Variants in RALYL observed in about 807,000 individuals in gnomAD.
RALYL encodes RALY RNA binding protein like, also known as RNA-binding Raly-like protein.
RALYL carries 29 observed loss-of-function variants against 35.1 expected under a neutral mutation model. The observed-to-expected ratio is 0.83, with a 90% CI of 0.61 to 1.13. The LOEUF is 1.13. Among genes scored for constraint, RALYL ranks in the 50% most tolerant of loss-of-function variants. RALYL has a pLI of 0.00. For missense variants in RALYL, 359 were observed against 360.4 expected (o/e 1.00, Z 0.03); for synonymous variants, 120 against 127.6 (o/e 0.94, Z 0.40).
At chr8:84,723,035 T>C (rs1215868160) in intron 2 of RALYL, among the ~76,000 whole-genome samples, 2 of 151,936 alleles carry the variant, frequency 1.3e-5, no homozygotes, top group Non-Finnish European at 2.9e-5. Flanking sequence ...ATATTTTTCA[T>C]TATATCCTTG....
intron 1 of RALYL, among the ~76,000 whole-genome samples, chr8:84,509,133 G>T (rs886337339): frequency 6.6e-6 from 1 of 152,088 alleles, no homozygotes; most frequent in Non-Finnish European, 1.5e-5. Flanking sequence ...CTTGTATTGT[G>T]TACTACGTTT....
intron 5 of RALYL, among the ~76,000 whole-genome samples, chr8:84,852,872 C>T (rs943499033): frequency 6.6e-6 from 1 of 152,104 alleles, no homozygotes; most frequent in Admixed American, 6.5e-5. Flanking sequence ...ACGTGCCTGC[C>T]CTAGGTACAA....
chr8:84,898,924 G>T (rs1845202395), intron 8 of RALYL, among the ~76,000 whole-genome samples: 1 of 152,158 alleles, frequency 6.6e-6, no homozygotes, highest in African/African-American at 2.4e-5. Flanking sequence ...TTTTTAAAAT[G>T]CCTTTCTCTT....
At chr8:84,459,908 T>C (rs2050559857) in intron 1 of RALYL, among the ~76,000 whole-genome samples, 1 of 151,802 alleles carries the variant, frequency 6.6e-6, no homozygotes, top group Non-Finnish European at 1.5e-5. Context: ...TCTTTGGAAG[T>C]TCATAGGAAA....
intron 1 of RALYL, among the ~76,000 whole-genome samples, chr8:84,343,100 G>C (rs181871328): frequency 2.0e-5 from 3 of 151,896 alleles, no homozygotes; most frequent in African/African-American, 7.3e-5. Flanking sequence ...TTTTATCAAA[G>C]GAGTATATTT....
chr8:84,781,443 G>C (rs1563589906), intron 3 of RALYL, among the ~76,000 whole-genome samples: 1 of 152,114 alleles, frequency 6.6e-6, no homozygotes, highest in Non-Finnish European at 1.5e-5. Context: ...GCAGTTTTCT[G>C]TTATGTTTTT....
At chr8:84,288,108 C>A (rs552216069) in intron 1 of RALYL, among the ~76,000 whole-genome samples, 1 of 152,032 alleles carries the variant, frequency 6.6e-6, no homozygotes, top group Non-Finnish European at 1.5e-5. Flanking sequence ...AGCTGAGCAT[C>A]GGAGGACTTA....
chr8:84,785,992 C>A (rs2467211), intron 3 of RALYL, among the ~76,000 whole-genome samples: 3 of 151,968 alleles, frequency 2.0e-5, no homozygotes, highest in African/African-American at 7.3e-5. Context: ...CCCACCTCAC[C>A]GCCCATAGGC....
rs550665805 is a variant in RALYL, at chr8:84,745,186, C to T, written c.257-29393C>T. Among the ~76,000 whole-genome samples, 53 of 151,966 alleles carry T rather than the reference C, an allele frequency of 3.5e-4. 2 individuals are homozygous for T. The South Asian group carries it at 8.5e-3, about 24-fold the overall frequency. On this transcript the variant is annotated intron_variant, in intron 2 of 8. Transcript: ENST00000521268. ...TCTGTATGATTTCAGATCACCCTCC[C>T]TCTACTCCTTCACATTAATGCACAT...
intron 1 of RALYL, among the ~76,000 whole-genome samples, chr8:84,221,366 G>A (rs1822166713): frequency 6.6e-6 from 1 of 151,974 alleles, no homozygotes; most frequent in East Asian, 1.9e-4. Context: ...GAAGAGACAA[G>A]TAGTTATAGC....
At position 84,583,618 on chromosome 8, in the gene RALYL, C is replaced by T. The variant is rs1185975891; in HGVS notation, c.256+54041C>T. On this transcript the variant is annotated intron_variant, in intron 2 of 8. Transcript: ENST00000521268. Reference sequence around the variant, plus strand: ...TGAAAAATTAAACAGCAAAATTGCTCAGTAAACTCTTTGTATTTACTGTCA... The same window carrying T: ...TGAAAAATTAAACAGCAAAATTGCTTAGTAAACTCTTTGTATTTACTGTCA... 3.3e-5 allele frequency among the ~76,000 whole-genome samples: 5 copies of T among 152,196 alleles called. No homozygotes were observed. The East Asian group carries it at 7.7e-4, about 23-fold the overall frequency.
intron 8 of RALYL, chr8:84,906,996 A>G (rs1167127099): frequency 1.0e-6 from 1 of 983,752 alleles, no homozygotes; most frequent in Non-Finnish European, 1.2e-6. Flanking sequence ...AGATGAAATG[A>G]AAGTTCAGGC....
chr8:84,187,240 A>C lies in RALYL; in HGVS notation c.-24+2816A>C, dbSNP rs545842789. ...TTCAAGAACTTTTTATGGGATAATA[A>C]AATGTGGGTATTGTTTAAAATCTTG... is the stretch of plus-strand genomic sequence containing the variant. On this transcript the variant is annotated intron_variant, in intron 1 of 8. Coordinates refer to ENST00000521268, the MANE Select transcript of RALYL (RefSeq NM_173848.7). 3.9e-5 allele frequency among the ~76,000 whole-genome samples: 6 copies of C among 152,206 alleles called. No individual in the cohort carries two copies. In the East Asian group the frequency reaches 1.2e-3, roughly 29 times the overall value.
upstream of RALYL, chr8:84,183,177 C>G: frequency 6.4e-6 from 1 of 156,622 alleles, no homozygotes; most frequent in Non-Finnish European, 1.4e-5. Context: ...GGGCCCAACC[C>G]CGCTCGGCTC....
chr8:84,578,008 C>T (rs1019594043), intron 2 of RALYL, among the ~76,000 whole-genome samples: 6 of 152,190 alleles, frequency 3.9e-5, no homozygotes, highest in Non-Finnish European at 8.8e-5. Flanking sequence ...GTTTTTGCTT[C>T]GGCCCACTGG....
intron 1 of RALYL, among the ~76,000 whole-genome samples, chr8:84,444,562 CA>C (rs1440561795): frequency 6.6e-6 from 1 of 151,998 alleles, no homozygotes; most frequent in East Asian, 1.9e-4. Context: ...ATCATTCTAG[CA>C]GATCCATTTG....
At chr8:84,454,416 A>G (rs1171395930) in intron 1 of RALYL, among the ~76,000 whole-genome samples, 1 of 151,968 alleles carries the variant, frequency 6.6e-6, no homozygotes, top group Non-Finnish European at 1.5e-5. Flanking sequence ...CATAGGCTTC[A>G]TAGACTACTT....
chr8:84,694,480 A>T (rs1364339600), intron 2 of RALYL, among the ~76,000 whole-genome samples: 1 of 151,866 alleles, frequency 6.6e-6, no homozygotes, highest in East Asian at 1.9e-4. Context: ...TAAGTAGAAA[A>T]ATGCCTGTGT....
intron 8 of RALYL, among the ~76,000 whole-genome samples, chr8:84,898,545 A>G (rs535829395): frequency 3.3e-5 from 5 of 152,356 alleles, no homozygotes; most frequent in African/African-American, 1.2e-4. Context: ...CAAAAGAGGT[A>G]AACACATGAA....
Sources: gnomAD v4.1 joint callset for allele counts (sites outside exome capture counted in the v4.1 genomes callset) on GRCh38, gnomAD v4.1.1 for gene constraint, MANE v1.5 for transcripts, NCBI Gene and HGNC (gene_info 2026-07-23, HGNC 2026-07-21) for gene names.